The following CHRND variants were observed in gnomAD, a reference collection of about 807,000 sequenced individuals.
The protein encoded by CHRND is acetylcholine receptor subunit delta.
CHRND carries 40 observed loss-of-function variants against 57.8 expected under a neutral mutation model. That is an observed-to-expected ratio of 0.69 (90% confidence interval 0.54 to 0.90). The LOEUF (loss-of-function observed/expected upper bound fraction) is 0.90, where lower values mean the gene tolerates loss of function less well. Ranked by LOEUF, CHRND falls within the 40% of genes least tolerant of loss-of-function variation. The probability of loss-of-function intolerance (pLI) is 0.00; values close to 1 mark genes in which losing one functional copy is unlikely to be tolerated. For synonymous variants in CHRND, 237 were observed against 270.6 expected (o/e 0.88, Z 1.22); for missense variants, 634 against 673.9 (o/e 0.94, Z 0.66).
rs1476526548 is a variant in CHRND, at chr2:232,533,963, C to T, written c.1080C>T (p.His360=). 1 of 1,613,374 alleles carries T rather than the reference C, an allele frequency of 6.2e-7. No homozygotes were observed. Among genetic ancestry groups the T allele is most frequent in the East Asian group, 2.2e-5 (1 of 44,896 alleles). ...LFLETLPELL[H]MSRPAEDGPS... Reference sequence around the variant, plus strand: ...TGGAGACCCTGCCGGAGCTCCTGCACATGTCCCGCCCAGCAGAGGATGGAC... The same window carrying T: ...TGGAGACCCTGCCGGAGCTCCTGCATATGTCCCGCCCAGCAGAGGATGGAC... Residue 360 remains histidine (H), a synonymous_variant, in exon 10 of 12, where the codon CAC becomes CAT. Transcript: ENST00000258385.
chr2:232,530,979 G>A (rs1004815970), intron 7 of CHRND, among the ~76,000 whole-genome samples: 1 of 152,272 alleles, frequency 6.6e-6, no homozygotes, highest in Non-Finnish European at 1.5e-5. Flanking sequence ...GGGGAGTAAC[G>A]CACGCAGGTC....
Position 232,535,328 on chromosome 2 carries a change from G to A in CHRND, c.*16G>A. The A allele has an allele frequency of 6.2e-7, 1 of 1,611,532 alleles. No homozygotes were observed. Among genetic ancestry groups the A allele is most frequent in the Non-Finnish European group, 8.5e-7 (1 of 1,179,996 alleles). ...CTTCATCTAGGGTGGGCCTGTTGGG[G>A]AGCCAGGAGACAGCAGGGTCTGAGA... On this transcript the variant is annotated 3_prime_UTR_variant, in exon 12 of 12. Coordinates refer to ENST00000258385, the MANE Select transcript of CHRND (RefSeq NM_000751.3).
At position 232,536,526 on chromosome 2, in the gene CHRND, C is replaced by G; in HGVS notation, c.*1214C>G. ...GGATCCTCTGCCCCAGTAGGGCCTT[C>G]GGATGAGATCACAGCCCAGTAGACA... On this transcript the variant is annotated 3_prime_UTR_variant, in exon 12 of 12. Coordinates refer to ENST00000258385, the MANE Select transcript of CHRND (RefSeq NM_000751.3). 2.2e-6 allele frequency: 1 copy of G among 450,980 alleles called. No individual in the cohort carries two copies. 27.9% of individuals were successfully genotyped at this position (450,980 alleles called of 1,614,324 possible). A position where few individuals can be genotyped will look rare whatever the true frequency, so the allele number is the denominator to read the frequency against.
Position 232,535,776 on chromosome 2 carries a change from T to C in CHRND, c.*464T>C. On this transcript the variant is annotated 3_prime_UTR_variant, in exon 12 of 12. Transcript: ENST00000258385. Reference sequence around the variant, plus strand: ...TCTGAGGCCTCACCTGGGACTGAGGTTGAGGACACCTCCCTCCCTCCAGAC... The same window carrying C: ...TCTGAGGCCTCACCTGGGACTGAGGCTGAGGACACCTCCCTCCCTCCAGAC... 1 of 455,316 alleles carries C rather than the reference T, an allele frequency of 2.2e-6. No homozygotes were observed. Among genetic ancestry groups the C allele is most frequent in the Non-Finnish European group, 4.4e-6 (1 of 227,680 alleles). The allele number at this position is 455,316 out of a possible 1,614,324, so 28.2% of individuals were successfully genotyped here. A position where few individuals can be genotyped will look rare whatever the true frequency, so the allele number is the denominator to read the frequency against.
Position 232,536,329 on chromosome 2 carries a change from T to C in CHRND, c.*1017T>C, listed in dbSNP as rs2106217043. On this transcript the variant is annotated 3_prime_UTR_variant, in exon 12 of 12. Transcript: ENST00000258385. ...GTGATGGTACCTCACTTCCCAGATT[T>C]GGTTAGGAAAGACACTATGGCCTCT... 1 of 454,088 alleles carries C rather than the reference T, an allele frequency of 2.2e-6. No individual in the cohort carries two copies. The highest frequency in any genetic ancestry group is 6.9e-5 in the East Asian group (1 of 14,390). 28.1% of individuals were successfully genotyped at this position (454,088 alleles called of 1,614,324 possible). A position where few individuals can be genotyped will look rare whatever the true frequency, so the allele number is the denominator to read the frequency against.
rs1414376396 is a variant in CHRND at position 232,536,146 on chromosome 2, G to A, written c.*834G>A. ...AGCCTCCACTCAATCTTATCCTGAG[G>A]GCCAAAGGCCAAGGCTGCAGGAATT... On this transcript the variant is annotated 3_prime_UTR_variant, in exon 12 of 12. Coordinates refer to ENST00000258385, the MANE Select transcript of CHRND (RefSeq NM_000751.3). 1 of 454,058 alleles carries A rather than the reference G, an allele frequency of 2.2e-6. No individual in the cohort carries two copies. The highest frequency in any genetic ancestry group is 2.3e-5 in the Admixed American group (1 of 42,576). 28.1% of individuals were successfully genotyped at this position (454,058 alleles called of 1,614,324 possible). A position where few individuals can be genotyped will look rare whatever the true frequency, so the allele number is the denominator to read the frequency against.
chr2:232,526,515 C>T lies in CHRND; in HGVS notation c.53-14C>T. The T allele has an allele frequency of 1.2e-6, 2 of 1,613,514 alleles. No homozygotes were observed. On this transcript the variant is annotated splice_polypyrimidine_tract_variant and intron_variant, in intron 1 of 11. Coordinates refer to ENST00000258385, the MANE Select transcript of CHRND (RefSeq NM_000751.3). ...CCAGGGCCCCATTCAGTCCTTGTCG[C>T]TGACCCTCCCCAGGCAGCTGGGGGC...
In CHRND at chr2:232,530,156, C is replaced by G. The variant is rs745788897; in HGVS notation, c.820+17C>G. The G allele has an allele frequency of 3.7e-6, 6 of 1,612,888 alleles. No individual in the cohort carries two copies. The highest frequency in any genetic ancestry group is 2.2e-5 in the South Asian group (2 of 91,068). On this transcript the variant is annotated intron_variant, in intron 7 of 11. Coordinates refer to ENST00000258385, the MANE Select transcript of CHRND (RefSeq NM_000751.3). ...CGGCTGACAGTGAGCCTCCAGGCCC[C>G]GTCCCCTGCTCCCCCTCCCCAAGCC... is the stretch of plus-strand genomic sequence containing the variant.
At chr2:232,526,424 C>A (rs1256828705) in intron 1 of CHRND, 105 bp from the exon 2 acceptor site, 1 of 1,574,316 alleles carries the variant, frequency 6.4e-7, no homozygotes, top group African/African-American at 1.3e-5. Context: ...GTTGGGTTCC[C>A]CCCTGCTCAT....
intron 9 of CHRND, among the ~76,000 whole-genome samples, chr2:232,532,562 G>A (rs1340660351): frequency 2.0e-5 from 3 of 152,120 alleles, no homozygotes; most frequent in East Asian, 3.9e-4. Flanking sequence ...ATACTCCCAC[G>A]GGAGTGCCGC....
At chr2:232,534,380 G>A (rs779644369) in intron 11 of CHRND, 38 bp downstream of exon 11, 1 of 1,578,368 alleles carries the variant, frequency 6.3e-7, no homozygotes. Context: ...AGGTGTTCAA[G>A]TAGGGCACTG....
At chr2:232,532,476 CAAAAAAAAAA>C (rs578172115) in intron 9 of CHRND, among the ~76,000 whole-genome samples, 2 of 92,554 alleles carry the variant, frequency 2.2e-5, no homozygotes, top group Non-Finnish European at 4.2e-5. Context: ...ACTCTGTCTC[CAAAAAAAAAA>C]AAAAAAAAAA....
At chr2:232,529,085 A>T (rs1430892103) in intron 6 of CHRND, 114 bp downstream of exon 6, 2 of 752,888 alleles carry the variant, frequency 2.7e-6, no homozygotes, top group Non-Finnish European at 4.7e-6. Context: ...TAGGACACCA[A>T]TACACAGCTC....
In CHRND at chr2:232,526,256, T is replaced by G; in HGVS notation, c.41T>G (p.Leu14Arg). ...CTGACACTGGGGCTGCTGGCTGCCC[T>G]GGCGGTGTGTGGTAAGGGAAGACAC... is the stretch of plus-strand genomic sequence containing the variant. ...PVLTLGLLAA[L>R]AVCGSWGLNE... is the part of the protein sequence containing the mutation. The change falls in exon 1 of 12, where the codon CTG (leucine) becomes CGG (arginine). Residue 14 changes from leucine to arginine, a missense_variant. Coordinates refer to ENST00000258385, the MANE Select transcript of CHRND (RefSeq NM_000751.3). The G allele has an allele frequency of 1.6e-5, 26 of 1,612,724 alleles. No homozygotes were observed. Among genetic ancestry groups the G allele is most frequent in the Non-Finnish European group, 2.2e-5 (26 of 1,179,650 alleles).
intron 3 of CHRND, among the ~76,000 whole-genome samples, chr2:232,527,904 C>G (rs1691541621): frequency 6.6e-6 from 1 of 152,206 alleles, no homozygotes; most frequent in African/African-American, 2.4e-5. Context: ...GTCCTTCCCC[C>G]ACCTAGTGCC....
At chr2:232,527,637 G>A (rs1049785610) in intron 3 of CHRND, among the ~76,000 whole-genome samples, 192 bp downstream of exon 3, 56 of 152,110 alleles carry the variant, frequency 3.7e-4, no homozygotes, top group African/African-American at 1.2e-3. Context: ...CCAGCTACTC[G>A]GGAAGCTGAG....
Position 232,531,379 on chromosome 2 carries a change from C to T in CHRND, c.848C>T (p.Ser283Leu), listed in dbSNP as rs780672505. 2.5e-6 allele frequency: 4 copies of T among 1,613,666 alleles called. No individual in the cohort carries two copies. Among genetic ancestry groups the T allele is most frequent in the Non-Finnish European group, 3.4e-6 (4 of 1,179,946 alleles). The change falls in exon 8 of 12, where the codon TCG becomes TTG. Residue 283 changes from serine to leucine, a missense_variant. Physicochemically the swap from Ser to Leu is moderately radical, Grantham distance 145. Coordinates refer to ENST00000258385, the MANE Select transcript of CHRND (RefSeq NM_000751.3). The part of the protein sequence containing the change: ...DSGEKTSVAI[S>L]VLLAQSVFLL... ...GGTGAGAAGACATCAGTGGCCATCT[C>T]GGTGCTCCTGGCTCAGTCTGTCTTC...
chr2:232,527,688 G>A (rs1010395998), intron 3 of CHRND, among the ~76,000 whole-genome samples: 1 of 152,208 alleles, frequency 6.6e-6, no homozygotes, highest in Non-Finnish European at 1.5e-5. Flanking sequence ...AGCTTGCAGT[G>A]AGCCGAGATT....
chr2:232,532,099 C>A (rs1691725299), intron 9 of CHRND, among the ~76,000 whole-genome samples: 1 of 151,718 alleles, frequency 6.6e-6, no homozygotes, highest in South Asian at 2.1e-4. Context: ...TTGGAGGTTG[C>A]AATGTACTAT....
Sources: allele counts gnomAD v4.1 joint callset (sites outside exome capture counted in the v4.1 genomes callset), GRCh38; gene constraint gnomAD v4.1.1; transcripts MANE v1.5; gene names NCBI Gene and HGNC (gene_info 2026-07-23, HGNC 2026-07-21).